The following TYW1 variants were observed in gnomAD, a reference collection of about 807,000 sequenced individuals.
The protein encoded by TYW1 is tRNA-yW synthesizing protein 1 homolog.
TYW1 carries 46 observed loss-of-function variants against 96.2 expected under a neutral mutation model. The ratio of observed to expected loss-of-function variants is 0.48; its 90% CI spans 0.38 to 0.61. The LOEUF is 0.61. Among genes scored for constraint, TYW1 ranks in the 20% least tolerant of loss-of-function variants. The probability of loss-of-function intolerance (pLI) is 0.00; values close to 1 mark genes in which losing one functional copy is unlikely to be tolerated. For missense variants in TYW1, 684 were observed against 909.6 expected (o/e 0.75, Z 3.19); for synonymous variants, 274 against 323.0 (o/e 0.85, Z 1.63).
chr7:67,127,456 G>A (rs1432515360), intron 13 of TYW1, among the ~76,000 whole-genome samples: 1 of 151,900 alleles, frequency 6.6e-6, no homozygotes, highest in Non-Finnish European at 1.5e-5. Context: ...CACTGTGCCC[G>A]GCCTCCTTAT....
At chr7:67,231,519 C>T (rs534652109) in intron 15 of TYW1, among the ~76,000 whole-genome samples, 1 of 152,288 alleles carries the variant, frequency 6.6e-6, no homozygotes, top group South Asian at 2.1e-4. Context: ...CCTTTAATGT[C>T]CAAACGTGTT....
intron 13 of TYW1, among the ~76,000 whole-genome samples, chr7:67,154,407 C>G (rs1798900705): frequency 6.6e-6 from 1 of 152,082 alleles, no homozygotes; most frequent in African/African-American, 2.4e-5. Flanking sequence ...GAGGAATTAT[C>G]TGTTTTTACT....
chr7:67,212,697 A>T (rs1388761291), intron 15 of TYW1, among the ~76,000 whole-genome samples: 1 of 151,176 alleles, frequency 6.6e-6, no homozygotes, highest in Admixed American at 6.6e-5. Flanking sequence ...TTTGAGGTTT[A>T]GCTATTCTAA....
At chr7:67,071,891 G>A (rs1796041388) in intron 10 of TYW1, among the ~76,000 whole-genome samples, 1 of 151,726 alleles carries the variant, frequency 6.6e-6, no homozygotes, top group Non-Finnish European at 1.5e-5. Flanking sequence ...CAAAGTGCCG[G>A]GATTACAGAC....
intron 7 of TYW1, among the ~76,000 whole-genome samples, chr7:67,046,740 A>G (rs1024731118): frequency 2.0e-5 from 3 of 152,198 alleles, no homozygotes; most frequent in Admixed American, 6.5e-5. Context: ...ACTACTGCAT[A>G]TGGAGGATAG....
At chr7:67,119,691 G>GT (rs1797702764) in intron 13 of TYW1, among the ~76,000 whole-genome samples, 2 of 151,946 alleles carry the variant, frequency 1.3e-5, no homozygotes, top group South Asian at 4.2e-4. Flanking sequence ...TTTTTCTTCT[G>GT]TTTTGTCTTA....
intron 13 of TYW1, among the ~76,000 whole-genome samples, chr7:67,118,122 C>T (rs1386016833): frequency 1.3e-5 from 2 of 152,120 alleles, no homozygotes; most frequent in Non-Finnish European, 2.9e-5. Context: ...GTCAGGAGTT[C>T]AAGACCAGCC....
chr7:67,180,936 G>A (rs1370102624), intron 13 of TYW1, among the ~76,000 whole-genome samples: 35 of 151,964 alleles, frequency 2.3e-4, no homozygotes, highest in Non-Finnish European at 1.5e-5. Flanking sequence ...GAGCCACTGC[G>A]TCCGGCCCCT....
At chr7:67,224,341 G>A (rs187343856) in intron 15 of TYW1, among the ~76,000 whole-genome samples, 33 of 152,312 alleles carry the variant, frequency 2.2e-4, no homozygotes, top group African/African-American at 6.5e-4. Context: ...TGGTCAGGCC[G>A]GTCTTGAACT....
intron 6 of TYW1, among the ~76,000 whole-genome samples, chr7:67,022,975 T>C (rs1272846513): frequency 6.6e-6 from 1 of 152,188 alleles, no homozygotes; most frequent in Non-Finnish European, 1.5e-5. Context: ...AGAGGGGCTG[T>C]TTTATTTTGT....
intron 10 of TYW1, among the ~76,000 whole-genome samples, chr7:67,077,046 T>C (rs538579020): frequency 2.6e-4 from 40 of 152,298 alleles, no homozygotes; most frequent in Middle Eastern, 3.4e-3. Context: ...AGTGCTGGGA[T>C]TACAGGCGTG....
chr7:67,238,649 G>A lies in TYW1; in HGVS notation c.*120G>A, dbSNP rs1045053. On this transcript the variant is annotated 3_prime_UTR_variant, in exon 16 of 16. Coordinates refer to ENST00000359626, the MANE Select transcript of TYW1 (RefSeq NM_018264.4). ...AATTATACTTTCATACAAAGGAGAC[G>A]ATAAGGCAGTAAACATGGAGACACG... The A allele has an allele frequency of 0.24, 355,739 of 1,462,286 alleles. 45,331 individuals are homozygous for A. Among genetic ancestry groups the A allele is most frequent in the African/African-American group, 0.36 (25,365 of 70,010 alleles). The allele number at this position is 1,462,286 out of a possible 1,614,324, so 90.6% of individuals were successfully genotyped here. A position where few individuals can be genotyped will look rare whatever the true frequency, so the allele number is the denominator to read the frequency against.
intron 13 of TYW1, among the ~76,000 whole-genome samples, chr7:67,176,827 T>C (rs747393571): frequency 1.1e-4 from 17 of 152,108 alleles, no homozygotes; most frequent in African/African-American, 1.7e-4. Context: ...ACTGGATAGT[T>C]CTTTTTAGGA....
chr7:67,205,677 C>T (rs1045406314), intron 15 of TYW1, among the ~76,000 whole-genome samples: 3 of 152,070 alleles, frequency 2.0e-5, no homozygotes, highest in East Asian at 1.9e-4. Flanking sequence ...ATTTGCTGAC[C>T]GGATGGGAAT....
Position 67,098,705 on chromosome 7 carries a change from C to A in TYW1, c.1549C>A (p.Pro517Thr), listed in dbSNP as rs866080647. 7 of 1,613,810 alleles carry A rather than the reference C, an allele frequency of 4.3e-6. No individual in the cohort carries two copies. The highest frequency in any genetic ancestry group is 5.9e-6 in the Non-Finnish European group (7 of 1,179,814). Reference protein sequence around the residue: ...SSFLVTNAQFPAEIRNLEPVT... With the variant: ...SSFLVTNAQFTAEIRNLEPVT... ...CTTCCTGGTCACAAACGCACAATTT[C>A]CTGCGGAAATCAGGTGAGTTCTCCA... is the stretch of plus-strand genomic sequence containing the variant. The change falls in exon 12 of 16, where the codon CCT becomes ACT. Residue 517 changes from proline to threonine, a missense_variant. Coordinates refer to ENST00000359626, the MANE Select transcript of TYW1 (RefSeq NM_018264.4).
At chr7:67,072,934 G>GTTGTT (rs1796073332) in intron 10 of TYW1, among the ~76,000 whole-genome samples, 1 of 71,222 alleles carries the variant, frequency 1.4e-5, no homozygotes, top group African/African-American at 6.5e-5. Flanking sequence ...TGCCTATCCA[G>GTTGTT]TTTTTTTTTT....
intron 11 of TYW1, among the ~76,000 whole-genome samples, chr7:67,090,717 A>T (rs1393435697): frequency 6.6e-6 from 1 of 152,138 alleles, no homozygotes; most frequent in Non-Finnish European, 1.5e-5. Flanking sequence ...TGTGTGTGTG[A>T]GTGTCAGATA....
At chr7:67,181,912 T>G (rs1799855013) in intron 13 of TYW1, among the ~76,000 whole-genome samples, 1 of 152,206 alleles carries the variant, frequency 6.6e-6, no homozygotes, top group Admixed American at 6.5e-5. Context: ...CACTGCAACC[T>G]TCACCTCCCA....
At chr7:67,052,276 C>T (rs1795382420) in intron 8 of TYW1, among the ~76,000 whole-genome samples, 1 of 152,048 alleles carries the variant, frequency 6.6e-6, no homozygotes, top group South Asian at 2.1e-4. Context: ...TAGAAGACTA[C>T]AGTTATATAT....
Sources: gnomAD v4.1 joint callset for allele counts (sites outside exome capture counted in the v4.1 genomes callset) on GRCh38, gnomAD v4.1.1 for gene constraint, MANE v1.5 for transcripts, NCBI Gene and HGNC (gene_info 2026-07-23, HGNC 2026-07-21) for gene names.